Variants in PIK3C2G observed in about 807,000 individuals in gnomAD.
PIK3C2G encodes the protein phosphatidylinositol 3-kinase C2 domain-containing subunit gamma.
A neutral mutation model predicts 181.1 loss-of-function variants in PIK3C2G; 168 were observed. The observed-to-expected ratio is 0.93, with a 90% confidence interval of 0.82 to 1.05. The LOEUF is 1.05. Ranked by LOEUF, PIK3C2G falls within the 50% of genes least tolerant of loss-of-function variation. The pLI is 0.00. For missense variants in PIK3C2G, 1,869 were observed against 1,732.8 expected (o/e 1.08, Z -1.40); for synonymous variants, 573 against 592.2 (o/e 0.97, Z 0.47).
chr12:18,399,817 C>G lies in PIK3C2G; in HGVS notation c.2285C>G (p.Pro762Arg). The G allele has an allele frequency of 6.3e-7, 1 of 1,598,840 alleles. No homozygotes were observed. Among genetic ancestry groups the G allele is most frequent in the South Asian group, 1.1e-5 (1 of 89,214 alleles). Residue 762 changes from proline to arginine, a missense_variant, in exon 16 of 33, where the codon CCT becomes CGT. Physicochemically the swap from Pro to Arg is moderately radical, Grantham distance 103. Coordinates refer to ENST00000538779, the MANE Select transcript of PIK3C2G (RefSeq NM_001288772.2). ...TTGAGAAGATGGACATTTTCTCAAC[C>G]TTTAGAGGCTCTTGGGCTTTTGACT... ...TILRRWTFSQ[P>R]LEALGLLTSS...
chr12:18,466,879 T>A (rs1937939617), intron 18 of PIK3C2G, among the ~76,000 whole-genome samples: 1 of 151,998 alleles, frequency 6.6e-6, no homozygotes, highest in African/African-American at 2.4e-5. Flanking sequence ...GTAATAACAT[T>A]TGACACAAAC....
At chr12:18,369,003 C>T (rs1361895291) in intron 12 of PIK3C2G, among the ~76,000 whole-genome samples, 1 of 152,098 alleles carries the variant, frequency 6.6e-6, no homozygotes, top group Non-Finnish European at 1.5e-5. Context: ...CTGGGTGAAC[C>T]TCAGTCCGCA....
chr12:18,480,135 G>A (rs1939414330), intron 18 of PIK3C2G, among the ~76,000 whole-genome samples: 1 of 152,026 alleles, frequency 6.6e-6, no homozygotes, highest in Non-Finnish European at 1.5e-5. Context: ...AAGGGAGGTG[G>A]GATACAGGAG....
chr12:18,513,646 T>C (rs1385010970), intron 24 of PIK3C2G, among the ~76,000 whole-genome samples: 2 of 151,832 alleles, frequency 1.3e-5, no homozygotes, highest in African/African-American at 2.4e-5. Flanking sequence ...TAATGTCTCC[T>C]CTTTCACTTT....
intron 16 of PIK3C2G, among the ~76,000 whole-genome samples, chr12:18,408,098 A>C (rs549149921): frequency 6.6e-5 from 10 of 152,168 alleles, no homozygotes; most frequent in Non-Finnish European, 1.3e-4. Flanking sequence ...AGATTTGGTG[A>C]GGAAAGCAAA....
intron 1 of PIK3C2G, among the ~76,000 whole-genome samples, chr12:18,270,442 T>C (rs1458052017): frequency 6.6e-6 from 1 of 152,156 alleles, no homozygotes; most frequent in African/African-American, 2.4e-5. Flanking sequence ...CCTTTAGTTT[T>C]GTAGAGTTAT....
chr12:18,598,447 T>G (rs1159428089), intron 30 of PIK3C2G, among the ~76,000 whole-genome samples: 2 of 151,704 alleles, frequency 1.3e-5, no homozygotes, highest in Non-Finnish European at 2.9e-5. Flanking sequence ...GCTAGCCATA[T>G]GTAGAAAGCT....
At chr12:18,677,780 G>A in the PIK3C2G span, among the ~76,000 whole-genome samples, 5 of 151,988 alleles carry the variant, frequency 3.3e-5, no homozygotes, top group Admixed American at 1.3e-4. Flanking sequence ...AATTATTTGT[G>A]TTTTCTAAAC....
intron 30 of PIK3C2G, among the ~76,000 whole-genome samples, chr12:18,600,245 T>C (rs927060704): frequency 6.6e-6 from 1 of 151,836 alleles, no homozygotes; most frequent in Non-Finnish European, 1.5e-5. Context: ...AAGTGAAAAT[T>C]TAATGGAAAT....
chr12:18,525,929 A>T (rs1006621831), intron 24 of PIK3C2G, among the ~76,000 whole-genome samples: 2 of 152,186 alleles, frequency 1.3e-5, no homozygotes, highest in African/African-American at 4.8e-5. Context: ...ACACTCTATA[A>T]GTTTTATCCC....
intron 24 of PIK3C2G, among the ~76,000 whole-genome samples, chr12:18,527,794 AT>A (rs1943323878): frequency 6.6e-6 from 1 of 152,124 alleles, no homozygotes; most frequent in Non-Finnish European, 1.5e-5. Context: ...AGACTTGATA[AT>A]TTTGAAGAAA....
Position 18,566,954 on chromosome 12 carries a change from C to G in PIK3C2G, c.3908C>G (p.Pro1303Arg). 6.4e-7 allele frequency: 1 copy of G among 1,566,474 alleles called. No individual in the cohort carries two copies. The highest frequency in any genetic ancestry group is 8.8e-7 in the Non-Finnish European group (1 of 1,139,184). Reference protein sequence around the residue: ...QFASLTLPEFPHWWHLPFTNS... With the variant: ...QFASLTLPEFRHWWHLPFTNS... ...TTTTTTTTCTCTTAAAACAGGTTTCCTCATTGGTGGCACCTACCTTTTACA... is the reference window on the plus strand; with the variant it reads ...TTTTTTTTCTCTTAAAACAGGTTTCGTCATTGGTGGCACCTACCTTTTACA... The change falls in exon 29 of 33, where the codon CCT becomes CGT. Residue 1303 changes from proline to arginine, a missense_variant. Transcript: ENST00000538779.
At chr12:18,368,538 C>T (rs572213392) in intron 12 of PIK3C2G, among the ~76,000 whole-genome samples, 1 of 152,138 alleles carries the variant, frequency 6.6e-6, no homozygotes, top group African/African-American at 2.4e-5. Flanking sequence ...TAACATCATA[C>T]CCTAAACTAT....
At chr12:18,505,679 C>T (rs965802389) in intron 24 of PIK3C2G, among the ~76,000 whole-genome samples, 2 of 152,176 alleles carry the variant, frequency 1.3e-5, no homozygotes, top group Non-Finnish European at 2.9e-5. Context: ...GTAGACTAAA[C>T]TGGTCTTCCC....
intron 1 of PIK3C2G, among the ~76,000 whole-genome samples, chr12:18,255,648 C>T (rs1352744875): frequency 6.6e-6 from 1 of 152,138 alleles, no homozygotes; most frequent in Non-Finnish European, 1.5e-5. Context: ...GGCATCGTTC[C>T]TCTCCATATT....
At chr12:18,559,813 TATATATATAGAGAGAGAGAGAGAG>T (rs1387730038) in intron 26 of PIK3C2G, among the ~76,000 whole-genome samples, 10 of 27,964 alleles carry the variant, frequency 3.6e-4, no homozygotes, top group South Asian at 3.1e-3. Context: ...TATATATATA[TATATATATAGAGAGAGAGAGAGAG>T]AGAGAGAGAG....
intron 22 of PIK3C2G, among the ~76,000 whole-genome samples, chr12:18,500,933 G>A (rs183875877): frequency 4.8e-4 from 73 of 151,622 alleles, no homozygotes; most frequent in African/African-American, 1.5e-3. Flanking sequence ...CGAACCCACC[G>A]GGAGGAACGA....
chr12:18,451,543 C>G (rs1301703739), intron 18 of PIK3C2G, among the ~76,000 whole-genome samples: 2 of 152,286 alleles, frequency 1.3e-5, no homozygotes, highest in Non-Finnish European at 2.9e-5. Context: ...GACTTCCTCT[C>G]TTCCTATTTG....
chr12:18,460,647 T>G (rs1444489828), intron 18 of PIK3C2G, among the ~76,000 whole-genome samples: 1 of 148,510 alleles, frequency 6.7e-6, no homozygotes, highest in Non-Finnish European at 1.5e-5. Flanking sequence ...TATATATATA[T>G]AGCACTTAGC....
Sources: gnomAD v4.1 joint callset for allele counts (sites outside exome capture counted in the v4.1 genomes callset) on GRCh38, gnomAD v4.1.1 for gene constraint, MANE v1.5 for transcripts, NCBI Gene and HGNC (gene_info 2026-07-23, HGNC 2026-07-21) for gene names.